The following ACOXL variants were observed in gnomAD, a reference collection of about 807,000 sequenced individuals.
ACOXL encodes the protein acyl-coenzyme A oxidase-like protein.
Under a neutral mutation model 71.9 loss-of-function variants are expected in ACOXL, and 70 were observed. The observed-to-expected ratio is 0.97, with a 90% CI of 0.80 to 1.19. ACOXL has a LOEUF of 1.19. Ranked by LOEUF, ACOXL falls within the 50% of genes most tolerant of loss-of-function variation. The pLI is 0.00. For missense variants in ACOXL, 703 were observed against 736.3 expected (o/e 0.95, Z 0.52); for synonymous variants, 253 against 281.6 (o/e 0.90, Z 1.02).
chr2:110,938,652 A>T (rs1187276240), intron 12 of ACOXL, among the ~76,000 whole-genome samples: 1 of 152,194 alleles, frequency 6.6e-6, no homozygotes, highest in Non-Finnish European at 1.5e-5. Context: ...AGACAGATGG[A>T]CAGATAGACT....
At position 110,751,391 on chromosome 2, in the gene ACOXL, G is replaced by A. The variant is rs553331010; in HGVS notation, c.-22-16977G>A. On this transcript the variant is annotated intron_variant, in intron 1 of 17. Coordinates refer to ENST00000439055, the MANE Select transcript of ACOXL (RefSeq NM_001142807.4). Reference sequence around the variant, plus strand: ...CTTTATATCCACTACCTAGATTCTGGCATTAACATGCTACTATACTTGCTT... The same window carrying A: ...CTTTATATCCACTACCTAGATTCTGACATTAACATGCTACTATACTTGCTT... 9.2e-5 allele frequency among the ~76,000 whole-genome samples: 14 copies of A among 151,804 alleles called. 1 individual carries two copies. In the South Asian group the frequency reaches 2.3e-3, roughly 25 times the overall value.
chr2:110,997,460 C>T (rs1321049117), intron 14 of ACOXL, among the ~76,000 whole-genome samples: 4 of 152,144 alleles, frequency 2.6e-5, no homozygotes, highest in Non-Finnish European at 5.9e-5. Flanking sequence ...ATTAGGCTAG[C>T]TGCTGTCATT....
intron 2 of ACOXL, among the ~76,000 whole-genome samples, chr2:110,774,004 G>A (rs949471783): frequency 7.9e-5 from 12 of 152,156 alleles, no homozygotes; most frequent in Non-Finnish European, 1.3e-4. Flanking sequence ...GAATCATGGT[G>A]CTATTTGTTT....
At chr2:110,818,110 C>T (rs1688132024) in intron 9 of ACOXL, among the ~76,000 whole-genome samples, 1 of 151,838 alleles carries the variant, frequency 6.6e-6, no homozygotes, top group Non-Finnish European at 1.5e-5. Context: ...AAAAAGTATA[C>T]TTGGCCGGGT....
rs148799391 is a variant in ACOXL at position 110,880,540 on chromosome 2, A to G, written c.789-28249A>G. ...TACACAAACAAGGCTGTGGTGAGTG[A>G]CTTTGTACATGTGTATCTGTGTCCA... On this transcript the variant is annotated intron_variant, in intron 10 of 17. Coordinates refer to ENST00000439055, the MANE Select transcript of ACOXL (RefSeq NM_001142807.4). Among the ~76,000 whole-genome samples the G allele has an allele frequency of 2.6e-3, 389 of 152,282 alleles. 4 individuals carry two copies. Among genetic ancestry groups the G allele is most frequent in the African/African-American group, 9.1e-3 (380 of 41,556 alleles).
intron 1 of ACOXL, among the ~76,000 whole-genome samples, chr2:110,765,217 G>A (rs772516759): frequency 1.6e-4 from 25 of 151,932 alleles, no homozygotes; most frequent in African/African-American, 4.6e-4. Context: ...TTTTTTCCTC[G>A]GCCTTAATTT....
intron 15 of ACOXL, among the ~76,000 whole-genome samples, chr2:111,042,949 G>C (rs1469003502): frequency 6.6e-6 from 1 of 152,206 alleles, no homozygotes; most frequent in Non-Finnish European, 1.5e-5. Flanking sequence ...CATTGGAGGA[G>C]CAGTGGCCCA....
chr2:110,814,476 C>T (rs905371972), intron 9 of ACOXL, among the ~76,000 whole-genome samples: 14 of 151,890 alleles, frequency 9.2e-5, no homozygotes, highest in African/African-American at 3.4e-4. Context: ...CCTTTGCCTA[C>T]CATAATGAAA....
intron 12 of ACOXL, among the ~76,000 whole-genome samples, chr2:110,954,125 C>A: frequency 6.6e-6 from 1 of 152,178 alleles, no homozygotes; most frequent in East Asian, 1.9e-4. Flanking sequence ...GTAGTTGACT[C>A]CCTTTATCAA....
intron 16 of ACOXL, among the ~76,000 whole-genome samples, chr2:111,059,510 C>T (rs541270944): frequency 1.8e-4 from 27 of 152,278 alleles, no homozygotes; most frequent in Middle Eastern, 6.8e-3. Flanking sequence ...TTCAAAAATG[C>T]ACATTTTTCC....
intron 16 of ACOXL, among the ~76,000 whole-genome samples, chr2:111,052,852 AC>A (rs201331384): frequency 1.4e-5 from 2 of 147,658 alleles, no homozygotes; most frequent in African/African-American, 2.5e-5. Context: ...CTGTCCTCCC[AC>A]CCCCCCAATC....
intron 10 of ACOXL, among the ~76,000 whole-genome samples, chr2:110,900,137 T>C: frequency 6.7e-6 from 1 of 148,654 alleles, no homozygotes; most frequent in South Asian, 2.2e-4. Flanking sequence ...ACACTTCTTC[T>C]AAAAAAGTCA....
At chr2:110,951,346 G>C (rs980999242) in intron 12 of ACOXL, among the ~76,000 whole-genome samples, 1 of 152,208 alleles carries the variant, frequency 6.6e-6, no homozygotes. Flanking sequence ...CGATCTGTTT[G>C]TAGTTCTTTT....
intron 9 of ACOXL, among the ~76,000 whole-genome samples, chr2:110,828,750 G>A (rs2670632): frequency 6.6e-6 from 1 of 151,966 alleles, no homozygotes; most frequent in Non-Finnish European, 1.5e-5. Flanking sequence ...GTGGTGGGCT[G>A]GGGGGTGGAA....
In ACOXL at chr2:110,987,200, G is replaced by A; in HGVS notation, c.1152G>A (p.Gly384=). The change falls in exon 13 of 18, where the codon GGG becomes GGA. Residue 384 remains glycine (G), a synonymous_variant. Transcript: ENST00000439055. The part of the protein sequence containing the change: ...GLLQNWAESV[G]DKLRTSFLAF... Reference sequence around the variant, plus strand: ...TCCAAAACTGGGCTGAATCTGTGGGGGACAAGCTGAGAACCAGGTACGTAT... The same window carrying A: ...TCCAAAACTGGGCTGAATCTGTGGGAGACAAGCTGAGAACCAGGTACGTAT... The A allele has an allele frequency of 6.4e-7, 1 of 1,574,300 alleles. No homozygotes were observed. The highest frequency in any genetic ancestry group is 1.3e-5 in the African/African-American group (1 of 74,438).
chr2:110,938,967 AT>A (rs2060769361), intron 12 of ACOXL, among the ~76,000 whole-genome samples: 1 of 152,148 alleles, frequency 6.6e-6, no homozygotes, highest in African/African-American at 2.4e-5. Flanking sequence ...TGCACAACCC[AT>A]ATTGACAGCT....
chr2:111,071,385 T>TG (rs1281676241), intron 16 of ACOXL, among the ~76,000 whole-genome samples: 1 of 152,184 alleles, frequency 6.6e-6, no homozygotes, highest in Admixed American at 6.5e-5. Context: ...GGATTAGAGA[T>TG]GGGCATTGTT....
At chr2:111,088,940 T>C (rs922408918) in intron 16 of ACOXL, among the ~76,000 whole-genome samples, 1 of 152,200 alleles carries the variant, frequency 6.6e-6, no homozygotes, top group Non-Finnish European at 1.5e-5. Flanking sequence ...TAAGGATAAG[T>C]AAGGATTAAT....
chr2:110,852,631 C>T (rs1692758532), intron 10 of ACOXL, among the ~76,000 whole-genome samples: 1 of 152,242 alleles, frequency 6.6e-6, no homozygotes, highest in Non-Finnish European at 1.5e-5. Flanking sequence ...ATAGCCTCTA[C>T]ATCACATGGG....
Sources: allele counts gnomAD v4.1 joint callset (sites outside exome capture counted in the v4.1 genomes callset), GRCh38; gene constraint gnomAD v4.1.1; transcripts MANE v1.5; gene names NCBI Gene and HGNC (gene_info 2026-07-23, HGNC 2026-07-21).